Variants in TP53AIP1 observed in about 807,000 individuals in gnomAD.
TP53AIP1 encodes p53-regulated apoptosis-inducing protein 1.
A neutral mutation model predicts 9.5 loss-of-function variants in TP53AIP1; 14 were observed. The ratio of observed to expected loss-of-function variants is 1.47; its 90% CI spans 0.97 to 2.30. The LOEUF is 2.30. TP53AIP1 is among the 30% of genes most tolerant of loss of function. The pLI, the probability that TP53AIP1 is intolerant of heterozygous loss-of-function variation, is 0.00. For synonymous variants in TP53AIP1, 73 were observed against 61.2 expected (o/e 1.19, Z -0.90); for missense variants, 153 against 146.7 (o/e 1.04, Z -0.22).
chr11:128,939,282 T>A lies in TP53AIP1; in HGVS notation c.-76-1388A>T, dbSNP rs116183122. On this transcript the variant is annotated intron_variant, in intron 1 of 3. Coordinates refer to ENST00000531399, the MANE Select transcript of TP53AIP1 (RefSeq NM_022112.3). This position sits in a 1 kb window ranked among gnomAD's most constrained non-coding sequence, Gnocchi z 4.1. ...AGACCACAGGCCCTGGACTCCCAAA[T>A]CCCAGCAGCAATGCAAAGCCACCCC... Among the ~76,000 whole-genome samples the A allele has an allele frequency of 0.028, 4,185 of 151,970 alleles. 101 individuals are homozygous for A. The highest frequency in any genetic ancestry group is 0.066 in the African/African-American group (2,742 of 41,446).
chr11:128,938,628 C>T (rs1019662227), intron 1 of TP53AIP1, among the ~76,000 whole-genome samples: 12 of 152,268 alleles, frequency 7.9e-5, no homozygotes, highest in African/African-American at 1.9e-4. Flanking sequence ...CGCAAGTCCC[C>T]GGTGGCCCAG....
In TP53AIP1 at chr11:128,935,518, G is replaced by GTCTGTT. The variant is rs571219205; in HGVS notation, c.*72_*73insAACAGA. 5.5e-5 allele frequency: 83 copies of GTCTGTT among 1,507,896 alleles called. No homozygotes were observed. In the African/African-American group the frequency reaches 9.3e-4, roughly 17 times the overall value. 93.4% of individuals were successfully genotyped at this position (1,507,896 alleles called of 1,614,324 possible). A position where few individuals can be genotyped will look rare whatever the true frequency, so the allele number is the denominator to read the frequency against. On this transcript the variant is annotated 3_prime_UTR_variant, in exon 4 of 4. Transcript: ENST00000531399. ...CATTTCTCGACGGTGCTTTCTGTTT[G>GTCTGTT]TTTGTTTGTTTTTGTTTTGAGATGG... is the stretch of plus-strand genomic sequence containing the variant.
Position 128,936,542 on chromosome 11 carries a change from C to T in TP53AIP1, c.249G>A (p.Leu83=). Residue 83 remains leucine, a synonymous_variant, in exon 3 of 4, where the codon CTG becomes CTA. Coordinates refer to ENST00000531399, the MANE Select transcript of TP53AIP1 (RefSeq NM_022112.3). ...GSWSSATVWI[L]TGLGLGLSRP... is the part of the protein sequence containing the mutation. The stretch of plus-strand genomic sequence containing the variant: ...CACTAAGTAATTATCACACACCTGT[C>T]AGGATCCAGACAGTTGCTGAGGACC... The T allele has an allele frequency of 6.4e-7, 1 of 1,568,804 alleles. No homozygotes were observed. The highest frequency in any genetic ancestry group is 8.6e-7 in the Non-Finnish European group (1 of 1,165,206).
intron 3 of TP53AIP1, 46 bp downstream of exon 3, chr11:128,936,492 C>A (rs917138318): frequency 6.6e-7 from 1 of 1,504,924 alleles, no homozygotes. Flanking sequence ...TCACTTAATT[C>A]TATCACGGCC....
intron 1 of TP53AIP1, among the ~76,000 whole-genome samples, chr11:128,941,845 C>G (rs1261517827): frequency 2.0e-5 from 3 of 152,252 alleles, no homozygotes; most frequent in African/African-American, 7.2e-5. Flanking sequence ...CAGCCACAGT[C>G]ACCAGCTGTA....
rs986610537 is a variant in TP53AIP1, at chr11:128,936,783, C to A, written c.142-134G>T. 4.9e-6 allele frequency: 7 copies of A among 1,434,256 alleles called. No homozygotes were observed. In the Admixed American group the frequency reaches 1.8e-4, roughly 36 times the overall value. The allele number at this position is 1,434,256 out of a possible 1,614,324, so 88.8% of individuals were successfully genotyped here. ...TCACCTCAGCAAAGTGATGACGCTG[C>A]CACTCAGGTTCCCATGGAAACCAAA... is the stretch of plus-strand genomic sequence containing the variant. On this transcript the variant is annotated intron_variant, in intron 2 of 3. Transcript: ENST00000531399.
rs201695832 is a variant in TP53AIP1, at chr11:128,935,878, GA to G, written c.254-167del. On this transcript the variant is annotated intron_variant, in intron 3 of 3. Transcript: ENST00000531399. ...ATCATTATTCTATCTCCCAAGACAG[GA>G]AAAAAAATCTTTAGATTTCATAGAT... 3.2e-3 allele frequency: 4,161 copies of G among 1,306,430 alleles called. 23 individuals are homozygous for G. The highest frequency in any genetic ancestry group is 0.012 in the Middle Eastern group (46 of 3,710). 80.9% of individuals were successfully genotyped at this position (1,306,430 alleles called of 1,614,324 possible). A position where few individuals can be genotyped will look rare whatever the true frequency, so the allele number is the denominator to read the frequency against.
chr11:128,937,724 G>C lies in TP53AIP1; in HGVS notation c.95C>G (p.Ser32Trp), dbSNP rs140191758. The stretch of plus-strand genomic sequence containing the variant: ...AGCCCTGCCATTCGGAGGCATCACC[G>C]AGAGGTTCTGGTCTCCCCTGCCCAG... The part of the protein sequence containing the change: ...QGLGRGDQNL[S>W]VMPPNGRAQT... Residue 32 changes from serine to tryptophan, a missense_variant, in exon 2 of 4, where the codon TCG becomes TGG. Coordinates refer to ENST00000531399, the MANE Select transcript of TP53AIP1 (RefSeq NM_022112.3). The surrounding 1 kb of genome is among the most constrained non-coding windows in gnomAD (Gnocchi z 4.8). The C allele has an allele frequency of 1.5e-5, 24 of 1,614,148 alleles. No individual in the cohort carries two copies. The African/African-American group carries it at 2.8e-4, about 19-fold the overall frequency.
chr11:128,941,277 C>T (rs34151249), intron 1 of TP53AIP1, among the ~76,000 whole-genome samples: 44,459 of 151,984 alleles, frequency 0.29, 7,247 homozygotes, highest in African/African-American at 0.44. Context: ...CCACCTGCGA[C>T]GTGTTTCCTC....
chr11:128,935,861 T>A, intron 3 of TP53AIP1, 149 bp from the exon 4 acceptor site: 1 of 1,352,474 alleles, frequency 7.4e-7, no homozygotes, highest in Non-Finnish European at 9.5e-7. Context: ...ACATCATTAT[T>A]CTATCTCCCA....
At chr11:128,938,341 G>A (rs554210335) in intron 1 of TP53AIP1, among the ~76,000 whole-genome samples, 2 of 152,082 alleles carry the variant, frequency 1.3e-5, no homozygotes, top group African/African-American at 2.4e-5. Context: ...TCAGATTCAG[G>A]GAAAGGAGTC....
At chr11:128,938,030 G>A (rs1455143080) in intron 1 of TP53AIP1, 136 bp from the exon 2 acceptor site, 1 of 597,704 alleles carries the variant, frequency 1.7e-6, no homozygotes, top group Non-Finnish European at 2.9e-6. Context: ...AGACCCTAGG[G>A]CTGGGCTGTA....
Position 128,935,720 on chromosome 11 carries a change from G to T in TP53AIP1, c.254-8C>A. 1 of 1,554,686 alleles carries T rather than the reference G, an allele frequency of 6.4e-7. No individual in the cohort carries two copies. Among genetic ancestry groups the T allele is most frequent in the Non-Finnish European group, 8.6e-7 (1 of 1,158,634 alleles). ...AGAGACCTAGACCAAGGCCTCAGTA[G>T]GGAGGGAGAGAATTTACTCTTTGCA... On this transcript the variant is annotated splice_polypyrimidine_tract_variant and splice_region_variant and intron_variant, in intron 3 of 3. Coordinates refer to ENST00000531399, the MANE Select transcript of TP53AIP1 (RefSeq NM_022112.3).
intron 1 of TP53AIP1, among the ~76,000 whole-genome samples, chr11:128,940,124 T>G (rs1944913057): frequency 6.6e-6 from 1 of 152,146 alleles, no homozygotes; most frequent in Non-Finnish European, 1.5e-5. Context: ...GGAACCAACT[T>G]GCCCTCCCTG....
At chr11:128,938,903 C>T (rs567005632) in intron 1 of TP53AIP1, among the ~76,000 whole-genome samples, 2 of 152,310 alleles carry the variant, frequency 1.3e-5, no homozygotes, top group Admixed American at 1.3e-4. Context: ...AGAAGCCCAG[C>T]AAGTAGCATC....
rs1056404584 is a variant in TP53AIP1, at chr11:128,939,003, A to G, written c.-76-1109T>C. Among the ~76,000 whole-genome samples the G allele has an allele frequency of 1.3e-5, 2 of 152,272 alleles. No individual in the cohort carries two copies. The highest frequency in any genetic ancestry group is 2.9e-5 in the Non-Finnish European group (2 of 68,016). ...CGGACCAGTTTGGTACATGCTGGCC[A>G]TGTGCGGTGACCACGCTAAGTACTG... On this transcript the variant is annotated intron_variant, in intron 1 of 3. Coordinates refer to ENST00000531399, the MANE Select transcript of TP53AIP1 (RefSeq NM_022112.3). The surrounding 1 kb of genome is among the most constrained non-coding windows in gnomAD (Gnocchi z 4.1).
chr11:128,937,455 G>A lies in TP53AIP1; in HGVS notation c.141+223C>T. The A allele has an allele frequency of 3.3e-6, 5 of 1,511,960 alleles. No individual in the cohort carries two copies. The highest frequency in any genetic ancestry group is 4.4e-6 in the Non-Finnish European group (5 of 1,129,652). 93.7% of individuals were successfully genotyped at this position (1,511,960 alleles called of 1,614,324 possible). A position where few individuals can be genotyped will look rare whatever the true frequency, so the allele number is the denominator to read the frequency against. On this transcript the variant is annotated intron_variant, in intron 2 of 3. Transcript: ENST00000531399. The surrounding 1 kb of genome is among the most constrained non-coding windows in gnomAD (Gnocchi z 4.8). ...AAACCCAGGATTCCGAGGAGGAGGAGGGCTGGCCTTCCTCTTGGGACTATT... is the reference window on the plus strand; with the variant it reads ...AAACCCAGGATTCCGAGGAGGAGGAAGGCTGGCCTTCCTCTTGGGACTATT...
chr11:128,937,804 A>G lies in TP53AIP1; in HGVS notation c.15T>C (p.Ser5=), dbSNP rs77790882. 319 of 1,611,168 alleles carry G rather than the reference A, an allele frequency of 2.0e-4. No homozygotes were observed. The East Asian group carries it at 6.6e-3, about 33-fold the overall frequency. Residue 5 remains serine, a synonymous_variant, in exon 2 of 4, where the codon TCT becomes TCC. Transcript: ENST00000531399. This position sits in a 1 kb window ranked among gnomAD's most constrained non-coding sequence, Gnocchi z 4.8. The part of the protein sequence containing the change: MGSS[S]EASFRSAQAS... ...CTTGAGCAGATCTGAAGCTCGCCTCAGAGGAAGATCCCATCCAGGGGAGGC... is the reference window on the plus strand; with the variant it reads ...CTTGAGCAGATCTGAAGCTCGCCTCGGAGGAAGATCCCATCCAGGGGAGGC...
intron 3 of TP53AIP1, chr11:128,936,127 C>G: frequency 1.0e-6 from 1 of 995,990 alleles, no homozygotes; most frequent in South Asian, 3.9e-5. Flanking sequence ...GTACACACAG[C>G]TCCTAAGTGG....
Sources: gnomAD v4.1 joint callset for allele counts (sites outside exome capture counted in the v4.1 genomes callset) on GRCh38, gnomAD v4.1.1 for gene constraint, Gnocchi (gnomAD v3.1) non-coding constraint, MANE v1.5 for transcripts, NCBI Gene and HGNC (gene_info 2026-07-23, HGNC 2026-07-21) for gene names.